Variants in KLHL1 observed in about 807,000 individuals in gnomAD.
KLHL1 encodes the protein kelch-like protein 1.
Under a neutral mutation model 77.7 loss-of-function variants are expected in KLHL1, and 47 were observed. The observed-to-expected ratio is 0.60, with a 90% CI of 0.48 to 0.77. The LOEUF (loss-of-function observed/expected upper bound fraction) is 0.77, where lower values mean the gene tolerates loss of function less well. Ranked by LOEUF, KLHL1 falls within the 30% of genes least tolerant of loss-of-function variation. The pLI is 0.00. For synonymous variants in KLHL1, 360 were observed against 325.2 expected (o/e 1.11, Z -1.15); for missense variants, 925 against 910.8 (o/e 1.02, Z -0.20).
intron 4 of KLHL1, among the ~76,000 whole-genome samples, chr13:69,885,130 C>A (rs1359339743): frequency 1.4e-5 from 2 of 138,294 alleles, no homozygotes; most frequent in African/African-American, 3.1e-5. Context: ...TTAGTAGAGA[C>A]GGGGTTTCAC....
chr13:69,951,272 A>T (rs1052594541), intron 3 of KLHL1, among the ~76,000 whole-genome samples: 10 of 151,524 alleles, frequency 6.6e-5, no homozygotes, highest in Non-Finnish European at 1.3e-4. Context: ...TAGAAATAAA[A>T]CTAAGACAAA....
At chr13:69,823,808 T>C (rs1878437676) in intron 6 of KLHL1, among the ~76,000 whole-genome samples, 1 of 152,012 alleles carries the variant, frequency 6.6e-6, no homozygotes, top group Non-Finnish European at 1.5e-5. Context: ...TCTGTAATCA[T>C]TGAAATTTTT....
chr13:69,858,129 C>G (rs1879992785), intron 5 of KLHL1, among the ~76,000 whole-genome samples: 1 of 152,092 alleles, frequency 6.6e-6, no homozygotes, highest in African/African-American at 2.4e-5. Flanking sequence ...GCACCAGCAT[C>G]TACCACAGGG....
chr13:69,838,640 A>G (rs1879121764), intron 6 of KLHL1, among the ~76,000 whole-genome samples: 1 of 151,890 alleles, frequency 6.6e-6, no homozygotes, highest in African/African-American at 2.4e-5. Flanking sequence ...TTGAGATCCC[A>G]GCAAGAATTT....
intron 6 of KLHL1, among the ~76,000 whole-genome samples, chr13:69,821,315 C>CT (rs944526009): frequency 4.6e-5 from 7 of 150,934 alleles, no homozygotes; most frequent in Non-Finnish European, 8.9e-5. Context: ...TGTATGTCTT[C>CT]TTTTTTTTTC....
At chr13:69,863,819 TTAAC>T (rs1238766470) in intron 5 of KLHL1, among the ~76,000 whole-genome samples, 2 of 152,088 alleles carry the variant, frequency 1.3e-5, no homozygotes, top group African/African-American at 4.8e-5. Context: ...TCATTTCAAC[TTAAC>T]TGTCAGTAAT....
chr13:69,903,961 T>G (rs1410762516), intron 4 of KLHL1, among the ~76,000 whole-genome samples: 1 of 151,956 alleles, frequency 6.6e-6, no homozygotes, highest in African/African-American at 2.4e-5. Flanking sequence ...GATATATTTT[T>G]TTTTATGTTC....
At chr13:69,772,737 T>C (rs1458394167) in intron 7 of KLHL1, among the ~76,000 whole-genome samples, 1 of 152,200 alleles carries the variant, frequency 6.6e-6, no homozygotes, top group African/African-American at 2.4e-5. Context: ...CTGTTTTTAG[T>C]TGTTTCTGGA....
At position 70,102,788 on chromosome 13, in the gene KLHL1, C is replaced by T. The variant is rs764764922; in HGVS notation, c.497+4415G>A. On this transcript the variant is annotated intron_variant, in intron 1 of 10. Transcript: ENST00000377844. ...ATAAGATGTTATTAATTTTAACTTA[C>T]GCATATAAATATTCAACATGCTAAC... Among the ~76,000 whole-genome samples the T allele has an allele frequency of 7.2e-5, 11 of 152,148 alleles. 1 individual carries two copies. Among genetic ancestry groups the T allele is most frequent in the South Asian group, 2.1e-4 (1 of 4,830 alleles).
intron 6 of KLHL1, among the ~76,000 whole-genome samples, chr13:69,811,396 TA>T (rs375756052): frequency 0.049 from 6,919 of 140,828 alleles, 467 homozygotes; most frequent in African/African-American, 0.16. Context: ...ACGTAATAGA[TA>T]AAAAAAAAAA....
intron 1 of KLHL1, among the ~76,000 whole-genome samples, chr13:70,033,546 T>C (rs919156813): frequency 2.7e-5 from 4 of 149,148 alleles, no homozygotes; most frequent in African/African-American, 9.9e-5. Context: ...GACCTCGTGA[T>C]CCACCCGCCT....
chr13:69,940,898 T>C (rs1449944839), intron 3 of KLHL1, among the ~76,000 whole-genome samples: 1 of 151,758 alleles, frequency 6.6e-6, no homozygotes, highest in Non-Finnish European at 1.5e-5. Context: ...CAAATGTTTA[T>C]AGAACTTATC....
intron 1 of KLHL1, among the ~76,000 whole-genome samples, chr13:69,976,819 G>A (rs1399492951): frequency 1.3e-5 from 2 of 152,052 alleles, no homozygotes; most frequent in Non-Finnish European, 2.9e-5. Flanking sequence ...AGGCTCTACT[G>A]AGGCAATCAG....
intron 7 of KLHL1, among the ~76,000 whole-genome samples, chr13:69,790,561 TA>T (rs1319089050): frequency 6.6e-6 from 1 of 151,270 alleles, no homozygotes; most frequent in Admixed American, 6.6e-5. Flanking sequence ...AACAAACAAA[TA>T]AAGAAATACA....
chr13:70,067,280 T>C (rs1348557857), intron 1 of KLHL1, among the ~76,000 whole-genome samples: 1 of 152,252 alleles, frequency 6.6e-6, no homozygotes, highest in Non-Finnish European at 1.5e-5. Context: ...ATGTAATACA[T>C]TGAACTAATA....
chr13:69,993,003 C>T (rs1273446038), intron 1 of KLHL1, among the ~76,000 whole-genome samples: 2 of 151,746 alleles, frequency 1.3e-5, no homozygotes, highest in Non-Finnish European at 2.9e-5. Context: ...TAAATCATCC[C>T]AGATAAAAAT....
At chr13:69,837,350 G>T (rs187774957) in intron 6 of KLHL1, among the ~76,000 whole-genome samples, 1 of 151,580 alleles carries the variant, frequency 6.6e-6, no homozygotes, top group Admixed American at 6.6e-5. Context: ...TGACATTTCT[G>T]TGTGAATAAT....
chr13:70,028,871 C>G (rs1886020614), intron 1 of KLHL1, among the ~76,000 whole-genome samples: 1 of 151,456 alleles, frequency 6.6e-6, no homozygotes, highest in Non-Finnish European at 1.5e-5. Context: ...CAACTACTTA[C>G]AAGATTGAGG....
chr13:69,799,694 G>A (rs1877288214), intron 6 of KLHL1, among the ~76,000 whole-genome samples: 1 of 152,106 alleles, frequency 6.6e-6, no homozygotes, highest in South Asian at 2.1e-4. Flanking sequence ...GGTTATTTCT[G>A]CACTAAAATC....
Sources: gnomAD v4.1 joint callset for allele counts (sites outside exome capture counted in the v4.1 genomes callset) on GRCh38, gnomAD v4.1.1 for gene constraint, MANE v1.5 for transcripts, NCBI Gene and HGNC (gene_info 2026-07-23, HGNC 2026-07-21) for gene names.